The following PARPBP variants were observed in gnomAD, a reference collection of about 807,000 sequenced individuals.
PARPBP encodes the protein PARP1 binding protein, also known as PCNA-interacting partner.
A neutral mutation model predicts 50.0 loss-of-function variants in PARPBP; 52 were observed. The ratio of observed to expected loss-of-function variants is 1.04; its 90% confidence interval spans 0.83 to 1.31. The LOEUF is 1.31. Among genes scored for constraint, PARPBP ranks in the 50% most tolerant of loss-of-function variants. PARPBP has a pLI of 0.00. For synonymous variants in PARPBP, 244 were observed against 232.1 expected (o/e 1.05, Z -0.47); for missense variants, 697 against 672.0 (o/e 1.04, Z -0.41).
chr12:102,161,939 T>C (rs1333723503), intron 4 of PARPBP, among the ~76,000 whole-genome samples: 5 of 152,204 alleles, frequency 3.3e-5, no homozygotes, highest in Non-Finnish European at 5.9e-5. Flanking sequence ...GGTTAATCTT[T>C]AAACTTTGTT....
chr12:102,194,720 A>G (rs916139501), intron 9 of PARPBP, among the ~76,000 whole-genome samples: 4 of 151,858 alleles, frequency 2.6e-5, no homozygotes, highest in Admixed American at 6.6e-5. Flanking sequence ...AGACTGATAC[A>G]TTGAATCATC....
At chr12:102,136,880 C>T (rs1053157233) in intron 2 of PARPBP, among the ~76,000 whole-genome samples, 1 of 151,936 alleles carries the variant, frequency 6.6e-6, no homozygotes, top group African/African-American at 2.4e-5. Context: ...ATATCCATGA[C>T]GTATATTTTT....
intron 1 of PARPBP, among the ~76,000 whole-genome samples, chr12:102,121,946 T>G (rs1381841272): frequency 6.6e-6 from 1 of 152,222 alleles, no homozygotes; most frequent in Non-Finnish European, 1.5e-5. Flanking sequence ...TACTTGTGTT[T>G]ATGTCGTTGA....
rs138732915 is a variant in PARPBP, at chr12:102,152,983, A to G, written c.388-886A>G. 2.8e-3 allele frequency among the ~76,000 whole-genome samples: 432 copies of G among 152,134 alleles called. 5 individuals carry two copies. Among genetic ancestry groups the G allele is most frequent in the African/African-American group, 9.7e-3 (401 of 41,520 alleles). On this transcript the variant is annotated intron_variant, in intron 3 of 10. Coordinates refer to ENST00000327680, the MANE Select transcript of PARPBP (RefSeq NM_017915.5). Reference sequence around the variant, plus strand: ...GGAGTTAAACAGAAACAGATGCATAAGAGGCTATAATTAAGTACATAATAA... The same window carrying G: ...GGAGTTAAACAGAAACAGATGCATAGGAGGCTATAATTAAGTACATAATAA...
At chr12:102,159,834 A>G (rs1255494240) in intron 4 of PARPBP, among the ~76,000 whole-genome samples, 1 of 152,226 alleles carries the variant, frequency 6.6e-6, no homozygotes, top group Non-Finnish European at 1.5e-5. Flanking sequence ...AGAAAAACTG[A>G]CTTTCTTCAA....
chr12:102,195,440 C>A lies in PARPBP; in HGVS notation c.1392C>A (p.Asp464Glu). The A allele has an allele frequency of 6.3e-7, 1 of 1,585,938 alleles. No homozygotes were observed. The highest frequency in any genetic ancestry group is 8.6e-7 in the Non-Finnish European group (1 of 1,163,718). ...TGTGTGTTCTTTACATGGAAAATGA[C>A]CTTTCTGGTAATTGACCTTATTTGT... ...KPLCVLYMEN[D>E]LSEGVNPSVG... Residue 464 changes from aspartate (D) to glutamate (E), a missense_variant, in exon 10 of 11, where the codon GAC (aspartate) becomes GAA (glutamate). By Grantham distance (45) the Asp-to-Glu change is conservative. Coordinates refer to ENST00000327680, the MANE Select transcript of PARPBP (RefSeq NM_017915.5).
chr12:102,151,118 C>T (rs1473653160), intron 3 of PARPBP, among the ~76,000 whole-genome samples: 7 of 151,970 alleles, frequency 4.6e-5, no homozygotes, highest in African/African-American at 7.3e-5. Flanking sequence ...TTAGCTGCAA[C>T]ACACGTGCGT....
chr12:102,194,654 A>G (rs1006589609), intron 9 of PARPBP, among the ~76,000 whole-genome samples: 1 of 151,876 alleles, frequency 6.6e-6, no homozygotes, highest in Non-Finnish European at 1.5e-5. Flanking sequence ...TTTGAAGATA[A>G]ATGCAAGAGT....
intron 4 of PARPBP, among the ~76,000 whole-genome samples, chr12:102,162,263 G>A (rs1387995444): frequency 6.6e-6 from 1 of 152,050 alleles, no homozygotes; most frequent in South Asian, 2.1e-4. Flanking sequence ...GTTTTAATAA[G>A]GGAAATATTT....
At chr12:102,173,991 A>G (rs1180559635) in intron 6 of PARPBP, among the ~76,000 whole-genome samples, 4 of 150,468 alleles carry the variant, frequency 2.7e-5, no homozygotes, top group East Asian at 1.9e-4. Flanking sequence ...AGTAAAATAT[A>G]TATCATTTGT....
At position 102,153,877 on chromosome 12, in the gene PARPBP, A is replaced by G. The variant is rs1565876408; in HGVS notation, c.396A>G (p.Leu132=). The change falls in exon 4 of 11, where the codon CTA becomes CTG. Residue 132 remains leucine, a synonymous_variant. Coordinates refer to ENST00000327680, the MANE Select transcript of PARPBP (RefSeq NM_017915.5). ...CTCTATGTTTTCTACAGAGTCAACTACTGGATTTTCTGTCTGGCAAACAGT... is the reference window on the plus strand; with the variant it reads ...CTCTATGTTTTCTACAGAGTCAACTGCTGGATTTTCTGTCTGGCAAACAGT... ...ENYNTVSPSQ[L]LDFLSGKQYA... 6.3e-7 allele frequency: 1 copy of G among 1,585,542 alleles called. No individual in the cohort carries two copies. Among genetic ancestry groups the G allele is most frequent in the Non-Finnish European group, 8.7e-7 (1 of 1,154,280 alleles).
At position 102,123,979 on chromosome 12, in the gene PARPBP, C is replaced by G. The variant is rs191696307; in HGVS notation, c.91C>G (p.Leu31Val). The change falls in exon 2 of 11, where the codon CTA becomes GTA. Residue 31 changes from leucine (L) to valine (V), a missense_variant. Physicochemically the swap from Leu to Val is conservative, Grantham distance 32 (BLOSUM62 1). Transcript: ENST00000327680. ...RALCNSERTT[L>V]CGADSMLLAL... ...TCTTTGTAACTCTGAGAGAACTACTCTATGTGGTGCAGACTCCATGCTCTT... is the reference window on the plus strand; with the variant it reads ...TCTTTGTAACTCTGAGAGAACTACTGTATGTGGTGCAGACTCCATGCTCTT... 6 of 1,533,598 alleles carry G rather than the reference C, an allele frequency of 3.9e-6. No individual in the cohort carries two copies. In the South Asian group the frequency reaches 4.8e-5, roughly 12 times the overall value. 95.0% of individuals were successfully genotyped at this position (1,533,598 alleles called of 1,614,324 possible).
chr12:102,130,790 G>GTTCACACTGGGAGGCAGA (rs938853446), intron 2 of PARPBP, among the ~76,000 whole-genome samples: 1 of 151,810 alleles, frequency 6.6e-6, no homozygotes, highest in African/African-American at 2.4e-5. Context: ...GGGAGGCAGA[G>GTTCACACTGGGAGGCAGA]GTTGCAGTGA....
At chr12:102,170,041 C>A (rs554367341) in intron 6 of PARPBP, among the ~76,000 whole-genome samples, 1 of 152,190 alleles carries the variant, frequency 6.6e-6, no homozygotes, top group African/African-American at 2.4e-5. Context: ...GAACACTCAT[C>A]GCCCCACTGC....
chr12:102,120,562 G>A, intron 1 of PARPBP: 3 of 453,694 alleles, frequency 6.6e-6, no homozygotes, highest in South Asian at 3.1e-5. Context: ...CCATTAGTTA[G>A]GCAGGAAACC....
intron 4 of PARPBP, chr12:102,154,769 G>A: frequency 2.3e-6 from 1 of 433,114 alleles, no homozygotes; most frequent in African/African-American, 2.1e-5. Flanking sequence ...GCTGTCTTTT[G>A]TGGAGGAAAA....
chr12:102,133,900 A>T (rs1231442383), intron 2 of PARPBP, among the ~76,000 whole-genome samples: 1 of 152,120 alleles, frequency 6.6e-6, no homozygotes, highest in Non-Finnish European at 1.5e-5. Context: ...TTAAAAGGAA[A>T]TTTAAAAAAA....
At chr12:102,123,049 A>C (rs1305625521) in intron 1 of PARPBP, among the ~76,000 whole-genome samples, 6 of 152,198 alleles carry the variant, frequency 3.9e-5, no homozygotes, top group Non-Finnish European at 8.8e-5. Flanking sequence ...ACAGGACACA[A>C]TTCCTCCTGT....
intron 6 of PARPBP, among the ~76,000 whole-genome samples, chr12:102,174,573 T>C (rs1889072771): frequency 6.6e-6 from 1 of 152,226 alleles, no homozygotes; most frequent in African/African-American, 2.4e-5. Context: ...TCAGGCAGCC[T>C]GACTTCATGG....
Sources: gnomAD v4.1 joint callset for allele counts (sites outside exome capture counted in the v4.1 genomes callset) on GRCh38, gnomAD v4.1.1 for gene constraint, MANE v1.5 for transcripts, NCBI Gene and HGNC (gene_info 2026-07-23, HGNC 2026-07-21) for gene names.